The following USP46 variants were observed in gnomAD, a reference collection of about 807,000 sequenced individuals.
USP46 encodes the protein ubiquitin carboxyl-terminal hydrolase 46.
Under a neutral mutation model 44.4 loss-of-function variants are expected in USP46, and 12 were observed. That is an observed-to-expected ratio of 0.27 (90% CI 0.17 to 0.44). The LOEUF is 0.44. USP46 is among the 20% of genes least tolerant of loss of function. The probability of loss-of-function intolerance (pLI) is 1.00; values close to 1 mark genes in which losing one functional copy is unlikely to be tolerated. For synonymous variants in USP46, 155 were observed against 161.5 expected, an observed-to-expected ratio of 0.96 and a Z score of 0.31; for missense variants, 248 against 444.8, an observed-to-expected ratio of 0.56 and a Z score of 3.98.
rs1195390432 is a variant in USP46, at chr4:52,591,754, T to C, written c.*5886A>G. On this transcript the variant is annotated 3_prime_UTR_variant, in exon 9 of 9. Transcript: ENST00000441222. ...GGAACCTTAAAAAGCAAACAAAGGCTGATGCACCAATAAATCGCTTATGCC... is the reference window on the plus strand; with the variant it reads ...GGAACCTTAAAAAGCAAACAAAGGCCGATGCACCAATAAATCGCTTATGCC... 6.6e-6 allele frequency: 1 copy of C among 152,208 alleles called. No individual in the cohort carries two copies. The highest frequency in any genetic ancestry group is 1.9e-4 in the East Asian group (1 of 5,204). The allele number at this position is 152,208 out of a possible 1,614,324, so 9.4% of individuals were successfully genotyped here.
intron 1 of USP46, among the ~76,000 whole-genome samples, chr4:52,641,957 T>G (rs1051566231): frequency 6.6e-6 from 1 of 152,232 alleles, no homozygotes; most frequent in African/African-American, 2.4e-5. Flanking sequence ...CCCACATTTG[T>G]AGATCTATCG....
chr4:52,643,022 T>C (rs1486318925), intron 1 of USP46, among the ~76,000 whole-genome samples: 1 of 152,212 alleles, frequency 6.6e-6, no homozygotes, highest in Admixed American at 6.5e-5. Context: ...TCTTGGATTA[T>C]TGCAGGGAGA....
chr4:52,641,759 A>T (rs1312410316), intron 1 of USP46, among the ~76,000 whole-genome samples: 1 of 152,222 alleles, frequency 6.6e-6, no homozygotes, highest in Non-Finnish European at 1.5e-5. Context: ...CTTGCCCAAG[A>T]TCTTTCTAAG....
At chr4:52,599,117 T>G (rs1716353705) in intron 7 of USP46, among the ~76,000 whole-genome samples, 1 of 152,096 alleles carries the variant, frequency 6.6e-6, no homozygotes. Context: ...TGTCAAGTGG[T>G]GAGAAGTGTC....
At chr4:52,619,868 A>G (rs1717316278) in intron 4 of USP46, among the ~76,000 whole-genome samples, 2 of 152,202 alleles carry the variant, frequency 1.3e-5, no homozygotes, top group African/African-American at 4.8e-5. Context: ...ATCTAAGAAA[A>G]TGGAGGTAAT....
chr4:52,598,162 C>G (rs1334414087), intron 8 of USP46, among the ~76,000 whole-genome samples: 1 of 152,108 alleles, frequency 6.6e-6, no homozygotes, highest in Non-Finnish European at 1.5e-5. Flanking sequence ...AGCTAGTATT[C>G]TTTTATAACA....
At chr4:52,633,926 CAA>C (rs1718008338) in intron 1 of USP46, among the ~76,000 whole-genome samples, 1 of 152,116 alleles carries the variant, frequency 6.6e-6, no homozygotes, top group South Asian at 2.1e-4. Context: ...AGCGAAAAAT[CAA>C]AGTGAGCTCT....
intron 1 of USP46, chr4:52,656,230 C>T (rs867142797): frequency 1.7e-5 from 26 of 1,500,290 alleles, no homozygotes; most frequent in Non-Finnish European, 1.8e-5. Context: ...AAGTTAGGAG[C>T]GGGAAGGGTC....
intron 1 of USP46, among the ~76,000 whole-genome samples, chr4:52,644,341 A>G (rs2109658641): frequency 6.6e-6 from 1 of 152,290 alleles, no homozygotes; most frequent in South Asian, 2.1e-4. Flanking sequence ...ATCATGAACA[A>G]GAAGGCAGTC....
At chr4:52,602,247 C>A (rs745773256) in intron 6 of USP46, among the ~76,000 whole-genome samples, 193 bp from the exon 7 acceptor site, 9 of 152,194 alleles carry the variant, frequency 5.9e-5, no homozygotes, top group Non-Finnish European at 1.2e-4. Context: ...TGGCTCCCAG[C>A]AGGAGAAATG....
chr4:52,632,912 A>AAGAAAG (rs1458929997), intron 1 of USP46, among the ~76,000 whole-genome samples: 2 of 113,148 alleles, frequency 1.8e-5, no homozygotes, highest in Admixed American at 9.5e-5. Context: ...AAGAGAAAGA[A>AAGAAAG]AGAAAGAGAA....
At chr4:52,604,005 A>G (rs1007939116) in intron 6 of USP46, among the ~76,000 whole-genome samples, 1 of 152,036 alleles carries the variant, frequency 6.6e-6, no homozygotes, top group South Asian at 2.1e-4. Context: ...TATTCTTATA[A>G]CTGATGTGTT....
At chr4:52,609,686 T>G (rs1225468956) in intron 5 of USP46, among the ~76,000 whole-genome samples, 1 of 151,894 alleles carries the variant, frequency 6.6e-6, no homozygotes, top group Non-Finnish European at 1.5e-5. Flanking sequence ...AAACAGGGGA[T>G]GGGGAGGCAC....
intron 4 of USP46, among the ~76,000 whole-genome samples, chr4:52,614,931 A>G (rs1429463668): frequency 6.6e-6 from 1 of 152,190 alleles, no homozygotes; most frequent in Non-Finnish European, 1.5e-5. Flanking sequence ...GTGAAATAGT[A>G]TCATTATTAT....
chr4:52,657,523 A>T (rs954159689), intron 1 of USP46, among the ~76,000 whole-genome samples: 5 of 152,304 alleles, frequency 3.3e-5, no homozygotes, highest in African/African-American at 1.2e-4. Context: ...ACTACCCTGT[A>T]GTATCCTTAG....
intron 1 of USP46, among the ~76,000 whole-genome samples, chr4:52,634,758 ACCACTGTGAAGCT>A (rs996849425): frequency 6.6e-6 from 1 of 151,982 alleles, no homozygotes; most frequent in African/African-American, 2.4e-5. Flanking sequence ...TATGCCTCCC[ACCACTGTGAAGCT>A]CCTTCCTTGA....
At chr4:52,634,287 T>C (rs1481340243) in intron 1 of USP46, among the ~76,000 whole-genome samples, 4 of 151,042 alleles carry the variant, frequency 2.6e-5, no homozygotes, top group African/African-American at 4.9e-5. Flanking sequence ...GGTGGGCAGA[T>C]TGCCTAAGGT....
chr4:52,615,600 C>T (rs1300197821), intron 4 of USP46, among the ~76,000 whole-genome samples: 1 of 152,070 alleles, frequency 6.6e-6, no homozygotes, highest in Non-Finnish European at 1.5e-5. Flanking sequence ...ATCTCAAAAA[C>T]GTTATGTAAG....
rs756295348 is a variant in USP46 at position 52,627,972 on chromosome 4, A to G, written c.309T>C (p.Ile103=). 2 of 1,613,630 alleles carry G rather than the reference A, an allele frequency of 1.2e-6. No homozygotes were observed. Among genetic ancestry groups the G allele is most frequent in the East Asian group, 2.2e-5 (1 of 44,878 alleles). The change falls in exon 3 of 9, where the codon ATT becomes ATC. Residue 103 remains isoleucine, a synonymous_variant. Coordinates refer to ENST00000441222, the MANE Select transcript of USP46 (RefSeq NM_022832.4). ...CACCATTCTCTTTTCTCAGCCTTGA[A>G]ATGAACTTCTTTGGTGGGATGACGC... ...KVGVIPPKKF[I]SRLRKENDLF...
Sources: gnomAD v4.1 joint callset for allele counts (sites outside exome capture counted in the v4.1 genomes callset) on GRCh38, gnomAD v4.1.1 for gene constraint, MANE v1.5 for transcripts, NCBI Gene and HGNC (gene_info 2026-07-23, HGNC 2026-07-21) for gene names.